The following UNC13C variants were observed in gnomAD, a reference collection of about 807,000 sequenced individuals.
UNC13C encodes unc-13 homolog C.
In UNC13C, 174 loss-of-function variants were observed where a neutral mutation model predicts 245.4. The observed-to-expected ratio is 0.71, with a 90% CI of 0.63 to 0.80. The LOEUF (loss-of-function observed/expected upper bound fraction) is 0.80. UNC13C is among the 30% of genes least tolerant of loss of function. UNC13C has a pLI of 0.00. For missense variants in UNC13C, 2,829 were observed against 2,602.9 expected, an observed-to-expected ratio of 1.09 and a Z score of -1.89; for synonymous variants, 992 against 895.1, an observed-to-expected ratio of 1.11 and a Z score of -1.93.
intron 15 of UNC13C, 90 bp downstream of exon 15, chr15:54,332,201 G>C (rs2038455149): frequency 2.2e-6 from 2 of 894,226 alleles, no homozygotes; most frequent in Non-Finnish European, 1.7e-6. Context: ...TCATGTAATA[G>C]AAAAATAAAA....
At chr15:54,074,644 T>C (rs1898499979) in intron 2 of UNC13C, among the ~76,000 whole-genome samples, 1 of 152,206 alleles carries the variant, frequency 6.6e-6, no homozygotes, top group South Asian at 2.1e-4. Flanking sequence ...TTGTAGCAAT[T>C]ATGAATGGGA....
At chr15:54,601,901 A>T (rs1899453460) in intron 30 of UNC13C, among the ~76,000 whole-genome samples, 2 of 152,160 alleles carry the variant, frequency 1.3e-5, no homozygotes, top group Non-Finnish European at 2.9e-5. Context: ...GGTCTCTGCA[A>T]TCTGTCGTAG....
In UNC13C at chr15:54,237,460, A is replaced by G. The variant is rs186430202; in HGVS notation, c.3157-159A>G. ...TCCAGTTTTAATATTGTATAAGTCC[A>G]TATTCTGGGTGAATCGGCTGATTAC... On this transcript the variant is annotated intron_variant, in intron 6 of 32. Transcript: ENST00000260323. 8.6e-4 allele frequency: 609 copies of G among 709,456 alleles called. 2 individuals are homozygous for G. The highest frequency in any genetic ancestry group is 5.0e-3 in the Middle Eastern group (22 of 4,368). The allele number at this position is 709,456 out of a possible 1,614,324, so 43.9% of individuals were successfully genotyped here. A position where few individuals can be genotyped will look rare whatever the true frequency, so the allele number is the denominator to read the frequency against.
intron 30 of UNC13C, among the ~76,000 whole-genome samples, chr15:54,574,970 A>C (rs1195340077): frequency 1.3e-5 from 2 of 152,150 alleles, no homozygotes; most frequent in African/African-American, 4.8e-5. Flanking sequence ...TGTCATGTGG[A>C]GATTTCTCAC....
intron 1 of UNC13C, among the ~76,000 whole-genome samples, chr15:53,996,801 A>G (rs187543283): frequency 4.7e-5 from 7 of 149,602 alleles, no homozygotes; most frequent in African/African-American, 1.7e-4. Context: ...ATTCAAATAT[A>G]CCATAATTTG....
intron 2 of UNC13C, among the ~76,000 whole-genome samples, chr15:54,033,341 C>T (rs1269616414): frequency 3.3e-5 from 5 of 152,056 alleles, no homozygotes; most frequent in Non-Finnish European, 7.4e-5. Flanking sequence ...GTTAGAGAAA[C>T]ACTGTTACTT....
At chr15:54,521,537 A>G (rs972179231) in intron 24 of UNC13C, among the ~76,000 whole-genome samples, 1 of 152,198 alleles carries the variant, frequency 6.6e-6, no homozygotes, top group African/African-American at 2.4e-5. Flanking sequence ...GGTCAGTTTA[A>G]CAATTGCTGC....
intron 26 of UNC13C, among the ~76,000 whole-genome samples, chr15:54,536,196 C>T (rs1158506327): frequency 6.6e-6 from 1 of 151,962 alleles, no homozygotes; most frequent in Non-Finnish European, 1.5e-5. Context: ...GAGACTATTA[C>T]AGAGACCTCT....
At chr15:54,564,291 T>C (rs947746822) in intron 29 of UNC13C, among the ~76,000 whole-genome samples, 2 of 151,988 alleles carry the variant, frequency 1.3e-5, no homozygotes, top group Non-Finnish European at 2.9e-5. Context: ...CTAGAGACTT[T>C]AACGGAATAA....
At chr15:54,167,698 G>A (rs1173613705) in intron 4 of UNC13C, among the ~76,000 whole-genome samples, 1 of 148,918 alleles carries the variant, frequency 6.7e-6, no homozygotes, top group South Asian at 2.1e-4. Context: ...ATTTTTAAGC[G>A]TAAAAGTTAA....
intron 22 of UNC13C, among the ~76,000 whole-genome samples, chr15:54,505,473 T>TGATG (rs1262196890): frequency 8.5e-5 from 13 of 152,314 alleles, no homozygotes; most frequent in African/African-American, 3.1e-4. Flanking sequence ...GTCCAACAAG[T>TGATG]TCCCAGGTGA....
At chr15:54,067,616 CGATA>C (rs1898133441) in intron 2 of UNC13C, among the ~76,000 whole-genome samples, 1 of 152,084 alleles carries the variant, frequency 6.6e-6, no homozygotes, top group Admixed American at 6.6e-5. Context: ...TTTACAGTTT[CGATA>C]GATATATATT....
At position 54,186,178 on chromosome 15, in the gene UNC13C, A is replaced by G. The variant is rs867414712; in HGVS notation, c.3071+42494A>G. ...GCTTAAGGAGATTTTGGGCTGAGAC[A>G]ATGGGGTTTTCTAGATATACAATCA... On this transcript the variant is annotated intron_variant, in intron 4 of 32. Transcript: ENST00000260323. Among the ~76,000 whole-genome samples, 19 of 152,116 alleles carry G rather than the reference A, an allele frequency of 1.2e-4. 1 individual carries two copies. In the South Asian group the frequency reaches 1.5e-3, roughly 12 times the overall value.
chr15:54,218,912 A>T (rs1019016371), intron 4 of UNC13C, among the ~76,000 whole-genome samples: 2 of 152,218 alleles, frequency 1.3e-5, no homozygotes, highest in Middle Eastern at 3.4e-3. Context: ...GACCTCTTCA[A>T]GGAGAACTAC....
chr15:54,279,223 G>C (rs1016162580), intron 10 of UNC13C, among the ~76,000 whole-genome samples: 3 of 152,128 alleles, frequency 2.0e-5, no homozygotes, highest in African/African-American at 7.2e-5. Flanking sequence ...TCTAGCAAAA[G>C]AGCCCAGAGA....
chr15:54,570,829 A>G (rs933990020), intron 30 of UNC13C, among the ~76,000 whole-genome samples: 2 of 152,240 alleles, frequency 1.3e-5, no homozygotes, highest in Non-Finnish European at 2.9e-5. Flanking sequence ...TATGACTTCC[A>G]AATTCTTCTG....
At chr15:54,451,924 C>G (rs1891200479) in intron 19 of UNC13C, among the ~76,000 whole-genome samples, 1 of 152,126 alleles carries the variant, frequency 6.6e-6, no homozygotes, top group Non-Finnish European at 1.5e-5. Flanking sequence ...TAGGGAAGGA[C>G]TTCATACTGA....
intron 2 of UNC13C, among the ~76,000 whole-genome samples, chr15:54,060,504 T>A (rs932434155): frequency 4.6e-5 from 7 of 152,282 alleles, no homozygotes; most frequent in African/African-American, 1.7e-4. Flanking sequence ...ATAAGAACAC[T>A]TTTGCACTGT....
intron 2 of UNC13C, among the ~76,000 whole-genome samples, chr15:54,089,321 CTACAAT>C (rs775663447): frequency 1.2e-4 from 18 of 152,198 alleles, no homozygotes; most frequent in Non-Finnish European, 2.1e-4. Flanking sequence ...AAGAATGTGT[CTACAAT>C]TACCATTACT....
Sources: allele counts gnomAD v4.1 joint callset (sites outside exome capture counted in the v4.1 genomes callset), GRCh38; gene constraint gnomAD v4.1.1; transcripts MANE v1.5; gene names NCBI Gene and HGNC (gene_info 2026-07-23, HGNC 2026-07-21).